The following LINC00632 variants were observed in gnomAD, a reference collection of about 807,000 sequenced individuals.
The protein encoded by LINC00632 is ALDOA related specific transcript.
chrX:140,710,920 A>T lies in LINC00632; in HGVS notation n.69-701A>T, dbSNP rs150918153. Among the ~76,000 whole-genome samples the T allele has an allele frequency of 2.4e-3, 268 of 111,470 alleles. 2 individuals carry two copies. Among genetic ancestry groups the T allele is most frequent in the African/African-American group, 8.4e-3 (258 of 30,709 alleles). Reference sequence around the variant, plus strand: ...AAAGGGAGGGGGTGTTGAACAGAGCACTGCGGCAAAGAGAGTGACTGACGC... The same window carrying T: ...AAAGGGAGGGGGTGTTGAACAGAGCTCTGCGGCAAAGAGAGTGACTGACGC... On this transcript the variant is annotated intron_variant and non_coding_transcript_variant, in intron 1 of 4. Coordinates refer to ENST00000648200, the Ensembl canonical transcript of LINC00632.
At chrX:140,741,912 G>T (rs1236452577) in intron 3 of LINC00632, among the ~76,000 whole-genome samples, 2 of 112,269 alleles carry the variant, frequency 1.8e-5, no homozygotes, top group East Asian at 2.8e-4. Flanking sequence ...GTTGAAAGAT[G>T]ATTTGCAAAT....
intron 3 of LINC00632, among the ~76,000 whole-genome samples, chrX:140,736,679 C>T (rs1424211863): frequency 9.2e-6 from 1 of 108,843 alleles, no homozygotes; most frequent in Non-Finnish European, 1.9e-5. Flanking sequence ...TCGTGATCCG[C>T]CCATCTAGGC....
At chrX:140,726,530 A>T (rs1341518683) in intron 2 of LINC00632, among the ~76,000 whole-genome samples, 2 of 111,825 alleles carry the variant, frequency 1.8e-5, no homozygotes, top group East Asian at 5.6e-4. Context: ...ACTTAGAATA[A>T]ATTCACAGCT....
intron 3 of LINC00632, among the ~76,000 whole-genome samples, chrX:140,769,073 C>A (rs915851427): frequency 2.7e-5 from 3 of 110,274 alleles, no homozygotes; most frequent in African/African-American, 6.6e-5. Flanking sequence ...TTCCAGAGAA[C>A]CTTTCTTGGG....
At chrX:140,733,482 G>A (rs1277717900) in intron 2 of LINC00632, among the ~76,000 whole-genome samples, 1 of 112,029 alleles carries the variant, frequency 8.9e-6, no homozygotes, top group African/African-American at 3.2e-5. Flanking sequence ...TGTAACATGA[G>A]AGTAATATTA....
intron 3 of LINC00632, among the ~76,000 whole-genome samples, chrX:140,757,976 A>G (rs1239042647): frequency 9.0e-6 from 1 of 111,561 alleles, no homozygotes; most frequent in Non-Finnish European, 1.9e-5. Context: ...CTTTTTTCCT[A>G]TAAATCTTAG....
intron 2 of LINC00632, among the ~76,000 whole-genome samples, chrX:140,712,418 T>C (rs1930535971): frequency 9.3e-6 from 1 of 107,254 alleles, no homozygotes; most frequent in Non-Finnish European, 1.9e-5. Flanking sequence ...CTTTTTTTTT[T>C]TTTTTTTTAC....
intron 3 of LINC00632, among the ~76,000 whole-genome samples, chrX:140,766,659 T>C (rs1462752108): frequency 8.9e-6 from 1 of 111,732 alleles, no homozygotes; most frequent in Non-Finnish European, 1.9e-5. Flanking sequence ...TACATAGAAG[T>C]CTCCAGTAAA....
chrX:140,773,662 A>G (rs1931837247), exon 4 of LINC00632, among the ~76,000 whole-genome samples: 1 of 112,112 alleles, frequency 8.9e-6, no homozygotes, highest in African/African-American at 3.2e-5. Flanking sequence ...TTAAATGAAA[A>G]AAAAATCTTG....
chrX:140,758,903 T>A (rs1487762900), intron 3 of LINC00632, among the ~76,000 whole-genome samples: 6 of 110,676 alleles, frequency 5.4e-5, no homozygotes, highest in Non-Finnish European at 9.5e-5. Context: ...TCAGCCTAGA[T>A]GGCTGATTTC....
At chrX:140,723,341 CAT>C (rs1930770290) in intron 2 of LINC00632, among the ~76,000 whole-genome samples, 1 of 12,026 alleles carries the variant, frequency 8.3e-5, no homozygotes. Flanking sequence ...CACACAGACA[CAT>C]ATTCGATACA....
intron 3 of LINC00632, among the ~76,000 whole-genome samples, chrX:140,749,113 C>CTAA (rs1931373679): frequency 1.8e-5 from 2 of 109,626 alleles, no homozygotes; most frequent in South Asian, 7.6e-4. Flanking sequence ...TTTTGATGTA[C>CTAA]TTTATGAAGA....
intron 3 of LINC00632, among the ~76,000 whole-genome samples, chrX:140,757,115 A>G (rs1200359100): frequency 1.8e-5 from 2 of 111,161 alleles, no homozygotes; most frequent in African/African-American, 3.3e-5. Context: ...AATTGGCTCC[A>G]TATTTTCTGA....
intron 2 of LINC00632, among the ~76,000 whole-genome samples, chrX:140,713,357 G>T (rs60647741): frequency 0.012 from 1,347 of 110,636 alleles, 22 homozygotes; most frequent in African/African-American, 0.042. Flanking sequence ...CAGACTGCCT[G>T]GTTTCAGACC....
At chrX:140,779,767 A>G (rs1048818758) in exon 5 of LINC00632, among the ~76,000 whole-genome samples, 1 of 112,358 alleles carries the variant, frequency 8.9e-6, no homozygotes, top group Non-Finnish European at 1.9e-5. Flanking sequence ...CAAAGATATA[A>G]TTAACTCATC....
chrX:140,772,522 A>G (rs143694220), exon 4 of LINC00632: 13 of 288,622 alleles, frequency 4.5e-5, no homozygotes, highest in African/African-American at 3.3e-4. Context: ...GGGATGATAG[A>G]GATGCAAGAA....
At chrX:140,736,417 T>C (rs1197956837) in intron 3 of LINC00632, among the ~76,000 whole-genome samples, 1 of 102,135 alleles carries the variant, frequency 9.8e-6, no homozygotes, top group African/African-American at 3.5e-5. Context: ...TAAAGTTTTC[T>C]TTTTCTTTTC....
intron 3 of LINC00632, among the ~76,000 whole-genome samples, chrX:140,748,964 A>G (rs1207664274): frequency 9.2e-6 from 1 of 108,773 alleles, no homozygotes; most frequent in Non-Finnish European, 1.9e-5. Context: ...GTTAATTGTA[A>G]TAATAAGTAT....
intron 3 of LINC00632, among the ~76,000 whole-genome samples, chrX:140,752,498 G>C (rs940366700): frequency 9.0e-6 from 1 of 111,677 alleles, no homozygotes; most frequent in Non-Finnish European, 1.9e-5. Context: ...TTCTCTGTGT[G>C]AACAGCTTGT....
Sources: gnomAD v4.1 joint callset for allele counts (sites outside exome capture counted in the v4.1 genomes callset) on GRCh38, gnomAD v4.1.1 for gene constraint, MANE v1.5 for transcripts, NCBI Gene and HGNC (gene_info 2026-07-23, HGNC 2026-07-21) for gene names.